Variants in CDON observed in about 807,000 individuals in gnomAD.
The protein encoded by CDON is cell adhesion associated, oncogene regulated.
CDON carries 73 observed loss-of-function variants against 120.9 expected under a neutral mutation model. The observed-to-expected ratio is 0.60, with a 90% CI of 0.50 to 0.73. CDON has a LOEUF of 0.73. Among genes scored for constraint, CDON ranks in the 30% least tolerant of loss-of-function variants. The pLI is 0.00. For missense variants in CDON, 1,470 were observed against 1,587.3 expected (o/e 0.93, Z 1.26); for synonymous variants, 566 against 573.5 (o/e 0.99, Z 0.19).
intron 1 of CDON, among the ~76,000 whole-genome samples, chr11:126,055,194 G>A (rs1218210814): frequency 6.6e-6 from 1 of 152,174 alleles, no homozygotes; most frequent in African/African-American, 2.4e-5. Flanking sequence ...GTTTAAGCAG[G>A]AGTTGCAAAG....
intron 18 of CDON, among the ~76,000 whole-genome samples, chr11:125,963,493 G>T (rs901384437): frequency 6.6e-6 from 1 of 152,136 alleles, no homozygotes; most frequent in Non-Finnish European, 1.5e-5. Context: ...TGTTTCTGGG[G>T]CAAAGAAAAA....
At position 126,023,449 on chromosome 11, in the gene CDON, T is replaced by C. The variant is rs1294933026; in HGVS notation, c.28A>G (p.Thr10Ala). The change falls in exon 2 of 20, where the codon ACA (threonine) becomes GCA (alanine). Residue 10 changes from threonine (T) to alanine (A), a missense_variant. Coordinates refer to ENST00000531738, the MANE Select transcript of CDON (RefSeq NM_001378964.1). ...ATTGTAAGAGTAACATACAGCAGTG[T>C]ACATAAGGGTCCAAGATCCGGATGC... MHPDLGPLC[T>A]LLYVTLTILC... The C allele has an allele frequency of 6.2e-7, 1 of 1,613,398 alleles. No homozygotes were observed. Among genetic ancestry groups the C allele is most frequent in the South Asian group, 1.1e-5 (1 of 91,060 alleles).
Position 126,005,852 on chromosome 11 carries a change from T to G in CDON, c.1758A>C (p.Pro586=), listed in dbSNP as rs748983898. Residue 586 remains proline (P), a synonymous_variant, in exon 9 of 20, where the codon CCA becomes CCC. Coordinates refer to ENST00000531738, the MANE Select transcript of CDON (RefSeq NM_001378964.1). The stretch of plus-strand genomic sequence containing the variant: ...TGTACGTGTCTGGTGTGTGGGTCTG[T>G]GGGGGGCTCAGTATGATGGGGGCAT... The part of the protein sequence containing the change: ...VPDAPIILSP[P]QTHTPDTYNL... 5 of 1,613,996 alleles carry G rather than the reference T, an allele frequency of 3.1e-6. No homozygotes were observed. The South Asian group carries it at 5.5e-5, about 18-fold the overall frequency.
At chr11:125,970,825 A>C (rs970226447) in intron 18 of CDON, among the ~76,000 whole-genome samples, 32 of 152,224 alleles carry the variant, frequency 2.1e-4, no homozygotes, top group African/African-American at 7.7e-4. Flanking sequence ...GGACTCCCTG[A>C]CAACAGGCGC....
chr11:126,056,085 G>C (rs971745334), intron 1 of CDON, among the ~76,000 whole-genome samples: 76 of 152,314 alleles, frequency 5.0e-4, no homozygotes, highest in African/African-American at 1.7e-3. Flanking sequence ...AAATGCCTTA[G>C]AGGTTATTTG....
chr11:126,001,878 A>ATGT (rs780690635), intron 10 of CDON, 28 bp from the exon 11 acceptor site: 2 of 1,525,024 alleles, frequency 1.3e-6, no homozygotes, highest in Non-Finnish European at 1.8e-6. Context: ...CATATACAGT[A>ATGT]ACATAAGCAT....
At chr11:126,006,235 T>G (rs1158635183) in intron 8 of CDON, among the ~76,000 whole-genome samples, 178 bp from the exon 9 acceptor site, 2 of 152,216 alleles carry the variant, frequency 1.3e-5, no homozygotes, top group Admixed American at 6.5e-5. Flanking sequence ...ATTGCAATCT[T>G]TTCTCATGGT....
At chr11:126,011,531 C>T (rs1947302756) in intron 7 of CDON, among the ~76,000 whole-genome samples, 1 of 152,134 alleles carries the variant, frequency 6.6e-6, no homozygotes, top group African/African-American at 2.4e-5. Context: ...ATTAATTTTC[C>T]TCCTCTGTGA....
chr11:125,985,115 T>A (rs1946425777), intron 15 of CDON, among the ~76,000 whole-genome samples: 1 of 152,170 alleles, frequency 6.6e-6, no homozygotes, highest in East Asian at 1.9e-4. Context: ...AGCCTATGTT[T>A]ACACCTCACC....
intron 1 of CDON, among the ~76,000 whole-genome samples, chr11:126,030,023 A>G (rs931748118): frequency 6.6e-6 from 1 of 152,210 alleles, no homozygotes; most frequent in Non-Finnish European, 1.5e-5. Flanking sequence ...CTGCTCCCAA[A>G]GTCCAAATGT....
intron 17 of CDON, 116 bp downstream of exon 17, chr11:125,980,933 C>T (rs1360699384): frequency 1.9e-6 from 2 of 1,027,096 alleles, no homozygotes; most frequent in African/African-American, 3.2e-5. Context: ...ATGCTGTTTC[C>T]ATTCGAGGAA....
chr11:126,015,384 A>G lies in CDON; in HGVS notation c.1055T>C (p.Ile352Thr). The change falls in exon 7 of 20, where the codon ATT (isoleucine) becomes ACT (threonine). Residue 352 changes from isoleucine (I) to threonine (T), a missense_variant. By Grantham distance (89) the Ile-to-Thr change is moderately conservative (BLOSUM62 -1). Transcript: ENST00000531738. ...NCTWFHNAQP[I>T]HPSARHLTAG... Reference sequence around the variant, plus strand: ...AGTTAGATGTCGTGCAGAAGGATGAATAGGCTGTGCATTGTGAAACCAGGT... The same window carrying G: ...AGTTAGATGTCGTGCAGAAGGATGAGTAGGCTGTGCATTGTGAAACCAGGT... 6.2e-7 allele frequency: 1 copy of G among 1,614,184 alleles called. No individual in the cohort carries two copies. The highest frequency in any genetic ancestry group is 8.5e-7 in the Non-Finnish European group (1 of 1,180,028).
chr11:126,035,773 T>C (rs986786946), intron 1 of CDON, among the ~76,000 whole-genome samples: 5 of 152,166 alleles, frequency 3.3e-5, no homozygotes, highest in Admixed American at 1.3e-4. Flanking sequence ...TACAATGCCC[T>C]GATGAAACTA....
intron 10 of CDON, among the ~76,000 whole-genome samples, chr11:126,003,558 C>T (rs528282337): frequency 6.6e-6 from 1 of 152,164 alleles, no homozygotes; most frequent in Admixed American, 6.5e-5. Context: ...CAGTGGCTCA[C>T]GCCTATAATC....
chr11:126,006,146 A>C, intron 8 of CDON, 89 bp from the exon 9 acceptor site: 1 of 1,193,768 alleles, frequency 8.4e-7, no homozygotes, highest in Non-Finnish European at 1.2e-6. Context: ...CCTCACTTGT[A>C]TTGTTAGCAC....
In CDON at chr11:125,994,956, T is replaced by C. The variant is rs750052531; in HGVS notation, c.2459A>G (p.Asn820Ser). ...AGTTATTGGACGGCTGGAAAAGCGA[T>C]TGGGGAACCCAACCACTTGATAAGG... The part of the protein sequence containing the change: ...SRPYQVVGFP[N>S]RFSSRPITGP... Residue 820 changes from asparagine (N) to serine (S), a missense_variant, in exon 13 of 20, where the codon AAT becomes AGT. Physicochemically the swap from Asn to Ser is conservative, Grantham distance 46 (BLOSUM62 1). Coordinates refer to ENST00000531738, the MANE Select transcript of CDON (RefSeq NM_001378964.1). The C allele has an allele frequency of 2.1e-5, 34 of 1,614,102 alleles. No homozygotes were observed. Among genetic ancestry groups the C allele is most frequent in the African/African-American group, 4.0e-5 (3 of 75,022 alleles).
In CDON at chr11:126,010,611, C is replaced by T. The variant is rs771548863; in HGVS notation, c.1282G>A (p.Ala428Thr). 1.2e-6 allele frequency: 2 copies of T among 1,614,186 alleles called. No homozygotes were observed. Among genetic ancestry groups the T allele is most frequent in the Admixed American group, 1.7e-5 (1 of 60,026 alleles). ...DGDFVTLSCN[A>T]SGLPVPVIRW... ...ATGACCGGAACCGGCAGCCCACTGG[C>T]ATTGCAGGACAGAGTAACAAAGTCT... Residue 428 changes from alanine to threonine, a missense_variant, in exon 8 of 20, where the codon GCC becomes ACC. Physicochemically the swap from Ala to Thr is moderately conservative, Grantham distance 58. Transcript: ENST00000531738.
chr11:125,993,533 G>GA (rs1946692970), intron 14 of CDON, among the ~76,000 whole-genome samples: 1 of 152,210 alleles, frequency 6.6e-6, no homozygotes, highest in African/African-American at 2.4e-5. Flanking sequence ...CACCCGAGGG[G>GA]AAGTTATGGG....
chr11:125,984,205 G>T, intron 15 of CDON, 112 bp from the exon 16 acceptor site: 1 of 768,622 alleles, frequency 1.3e-6, no homozygotes, highest in Non-Finnish European at 2.2e-6. Context: ...GTTTACTCTT[G>T]TTACTGAGAT....
Sources: allele counts gnomAD v4.1 joint callset (sites outside exome capture counted in the v4.1 genomes callset), GRCh38; gene constraint gnomAD v4.1.1; transcripts MANE v1.5; gene names NCBI Gene and HGNC (gene_info 2026-07-23, HGNC 2026-07-21).